OXR1: variants seen among roughly 807,000 people sequenced by gnomAD.
OXR1 encodes the protein oxidation resistance 1.
OXR1 carries 41 observed loss-of-function variants against 104.6 expected under a neutral mutation model. That is an observed-to-expected ratio of 0.39 (90% CI 0.31 to 0.51). The LOEUF is 0.51. Ranked by LOEUF, OXR1 falls within the 20% of genes least tolerant of loss-of-function variation. The pLI is 0.77. For synonymous variants in OXR1, 348 were observed against 348.4 expected, an observed-to-expected ratio of 1.00 and a Z score of 0.01; for missense variants, 955 against 1,031.9, an observed-to-expected ratio of 0.93 and a Z score of 1.02.
At chr8:106,639,790 T>C (rs1244075284) in intron 3 of OXR1, among the ~76,000 whole-genome samples, 2 of 152,314 alleles carry the variant, frequency 1.3e-5, no homozygotes, top group East Asian at 3.9e-4. Flanking sequence ...TATTGAAGAA[T>C]TGATGTATCA....
At chr8:106,467,543 T>C (rs957112235) in intron 2 of OXR1, among the ~76,000 whole-genome samples, 1 of 151,896 alleles carries the variant, frequency 6.6e-6, no homozygotes, top group Non-Finnish European at 1.5e-5. Context: ...TGATGGAAGC[T>C]ATACTTACAA....
chr8:106,469,327 G>A (rs1169429089), intron 2 of OXR1, among the ~76,000 whole-genome samples: 1 of 151,680 alleles, frequency 6.6e-6, no homozygotes, highest in Non-Finnish European at 1.5e-5. Context: ...TATCTTCTCT[G>A]AATCTATGTT....
chr8:106,494,312 TA>T (rs1260112372), intron 2 of OXR1, among the ~76,000 whole-genome samples: 1 of 152,186 alleles, frequency 6.6e-6, no homozygotes, highest in African/African-American at 2.4e-5. Context: ...TCAGTTTTTG[TA>T]GCATTTGATG....
At chr8:106,572,656 G>T (rs1817552814) in intron 3 of OXR1, among the ~76,000 whole-genome samples, 1 of 151,674 alleles carries the variant, frequency 6.6e-6, no homozygotes, top group Non-Finnish European at 1.5e-5. Flanking sequence ...GATTTTTTTT[G>T]CTTCTACATG....
At chr8:106,743,749 G>T (rs547592847) in intron 15 of OXR1, among the ~76,000 whole-genome samples, 2 of 152,274 alleles carry the variant, frequency 1.3e-5, no homozygotes, top group South Asian at 4.1e-4. Flanking sequence ...CCATTACTGG[G>T]TATTTACCCA....
At chr8:106,443,609 A>C (rs1480544716) in intron 2 of OXR1, among the ~76,000 whole-genome samples, 1 of 152,066 alleles carries the variant, frequency 6.6e-6, no homozygotes, top group Non-Finnish European at 1.5e-5. Context: ...GGGTGCATAT[A>C]ATTTAGTATA....
chr8:106,418,233 T>C (rs1818758775), intron 2 of OXR1, among the ~76,000 whole-genome samples: 1 of 152,114 alleles, frequency 6.6e-6, no homozygotes. Flanking sequence ...TAAACTTTAG[T>C]TTTTTATTTT....
chr8:106,431,612 C>G (rs752819120), intron 2 of OXR1, among the ~76,000 whole-genome samples: 1 of 152,180 alleles, frequency 6.6e-6, no homozygotes, highest in Middle Eastern at 3.2e-3. Context: ...GTTCGTCTGT[C>G]TTCTTTCTCT....
At chr8:106,299,399 G>T (rs1425488830) in intron 1 of OXR1, among the ~76,000 whole-genome samples, 3 of 152,076 alleles carry the variant, frequency 2.0e-5, no homozygotes, top group Admixed American at 2.0e-4. Flanking sequence ...AATGCAAGCT[G>T]CTACAGTATA....
At chr8:106,495,891 C>A (rs745933243) in intron 2 of OXR1, among the ~76,000 whole-genome samples, 2 of 152,110 alleles carry the variant, frequency 1.3e-5, no homozygotes, top group Non-Finnish European at 1.5e-5. Flanking sequence ...AATTAACCTT[C>A]ATATAGTGAT....
intron 6 of OXR1, 94 bp from the exon 7 acceptor site, chr8:106,692,634 T>G: frequency 1.5e-6 from 1 of 650,070 alleles, no homozygotes. Flanking sequence ...ACAACACTTA[T>G]TGGGGAAAGC....
intron 3 of OXR1, among the ~76,000 whole-genome samples, chr8:106,583,670 A>C (rs1818416707): frequency 6.6e-6 from 1 of 152,210 alleles, no homozygotes; most frequent in African/African-American, 2.4e-5. Context: ...TAATGCTAAC[A>C]GTGGGAATAA....
At chr8:106,398,909 TA>T (rs1258649888) in intron 2 of OXR1, among the ~76,000 whole-genome samples, 1 of 152,088 alleles carries the variant, frequency 6.6e-6, no homozygotes, top group Non-Finnish European at 1.5e-5. Flanking sequence ...TCTCTAAAAA[TA>T]ATCCTTTCAC....
chr8:106,495,522 T>C (rs189006009), intron 2 of OXR1, among the ~76,000 whole-genome samples: 244 of 152,316 alleles, frequency 1.6e-3, no homozygotes, highest in Admixed American at 0.014. Flanking sequence ...TAGGGAATTT[T>C]GAGTGCAAAA....
At chr8:106,722,932 GA>G (rs1302267274) in intron 11 of OXR1, among the ~76,000 whole-genome samples, 3 of 152,096 alleles carry the variant, frequency 2.0e-5, no homozygotes, top group Non-Finnish European at 4.4e-5. Context: ...GGTCTGTTTT[GA>G]CTACTGATTA....
chr8:106,705,520 T>C (rs973187899), intron 8 of OXR1, among the ~76,000 whole-genome samples: 5 of 152,168 alleles, frequency 3.3e-5, no homozygotes, highest in African/African-American at 4.8e-5. Flanking sequence ...TTTCAGCATA[T>C]TTTACATGGT....
chr8:106,596,483 A>G (rs1819532618), intron 3 of OXR1, among the ~76,000 whole-genome samples: 1 of 152,268 alleles, frequency 6.6e-6, no homozygotes, highest in Admixed American at 6.5e-5. Context: ...CCCTGCCATC[A>G]AGGAGCTTAC....
chr8:106,432,750 T>A (rs1819413558), intron 2 of OXR1, among the ~76,000 whole-genome samples: 1 of 152,180 alleles, frequency 6.6e-6, no homozygotes, highest in Non-Finnish European at 1.5e-5. Context: ...ATTCCCTCGT[T>A]AGATTATAAA....
chr8:106,282,078 T>G (rs1289754089), intron 1 of OXR1, among the ~76,000 whole-genome samples: 2 of 152,200 alleles, frequency 1.3e-5, no homozygotes, highest in Non-Finnish European at 2.9e-5. Flanking sequence ...TCTCCAAGTT[T>G]AAATGATTTT....
Sources: allele counts gnomAD v4.1 joint callset (sites outside exome capture counted in the v4.1 genomes callset), GRCh38; gene constraint gnomAD v4.1.1; transcripts MANE v1.5; gene names NCBI Gene and HGNC (gene_info 2026-07-23, HGNC 2026-07-21).